The following PRIM2 variants were observed in gnomAD, a reference collection of about 807,000 sequenced individuals.
PRIM2 encodes the protein DNA primase subunit 2.
In PRIM2, 39 loss-of-function variants were observed where a neutral mutation model predicts 67.3. That is an observed-to-expected ratio of 0.58 (90% confidence interval 0.45 to 0.76). The LOEUF (loss-of-function observed/expected upper bound fraction) is 0.76, where lower values mean the gene tolerates loss of function less well. PRIM2 is among the 30% of genes least tolerant of loss of function. The probability of loss-of-function intolerance (pLI) is 0.00; values close to 1 mark genes in which losing one functional copy is unlikely to be tolerated. For synonymous variants in PRIM2, 143 were observed against 198.7 expected (o/e 0.72, Z 2.36); for missense variants, 398 against 598.7 (o/e 0.66, Z 3.50).
rs1237645544 is a variant in PRIM2, at chr6:57,478,884, C to T, written c.694-28503C>T. On this transcript the variant is annotated intron_variant, in intron 7 of 13. Transcript: ENST00000615550. ...ACATTCGGCTGGGCGCGGTGGCTCA[C>T]GCCTGTAATCCCAGCACTTTAGGAG... Among the ~76,000 whole-genome samples the T allele has an allele frequency of 1.3e-3, 202 of 152,346 alleles. 5 individuals carry two copies. In the East Asian group the frequency reaches 0.016, roughly 12 times the overall value.
chr6:57,340,475 G>A (rs1431719813), intron 5 of PRIM2, among the ~76,000 whole-genome samples: 2 of 152,164 alleles, frequency 1.3e-5, no homozygotes, highest in African/African-American at 4.8e-5. Flanking sequence ...AACAATGATA[G>A]ACTGGATTAA....
chr6:57,315,102 C>T (rs1767455221), upstream of PRIM2, among the ~76,000 whole-genome samples: 1 of 152,136 alleles, frequency 6.6e-6, no homozygotes, highest in African/African-American at 2.4e-5. Context: ...TTTCTCTGAG[C>T]TGGTCATGAA....
chr6:57,373,858 A>G (rs951674393), intron 5 of PRIM2, among the ~76,000 whole-genome samples: 1 of 152,054 alleles, frequency 6.6e-6, no homozygotes, highest in Non-Finnish European at 1.5e-5. Context: ...GCCCTGTAGT[A>G]TAGTTTGAAA....
intron 10 of PRIM2, among the ~76,000 whole-genome samples, chr6:57,550,793 C>T (rs1319088056): frequency 6.6e-6 from 1 of 152,118 alleles, no homozygotes; most frequent in African/African-American, 2.4e-5. Context: ...TATGTATCTT[C>T]TTAAAAAGAT....
intron 10 of PRIM2, among the ~76,000 whole-genome samples, chr6:57,550,806 C>T (rs1480999466): frequency 6.6e-6 from 1 of 151,948 alleles, no homozygotes; most frequent in Admixed American, 6.6e-5. Flanking sequence ...AAAAAGATGC[C>T]AGTTTAAGAT....
chr6:57,361,944 G>A (rs1371012808), intron 5 of PRIM2, among the ~76,000 whole-genome samples: 2 of 152,104 alleles, frequency 1.3e-5, no homozygotes, highest in Admixed American at 1.3e-4. Flanking sequence ...AATGTAGGAA[G>A]GCGTCATTGA....
chr6:57,441,778 A>C (rs978434089), intron 7 of PRIM2, among the ~76,000 whole-genome samples: 1 of 152,208 alleles, frequency 6.6e-6, no homozygotes, highest in Non-Finnish European at 1.5e-5. Flanking sequence ...TCCACCAGAC[A>C]GAAATTATTT....
At chr6:57,580,743 T>C (rs1162620182) in intron 10 of PRIM2, among the ~76,000 whole-genome samples, 10 of 152,186 alleles carry the variant, frequency 6.6e-5, no homozygotes, top group Non-Finnish European at 7.4e-5. Flanking sequence ...GAGGGGATAA[T>C]GAGAGTGATT....
intron 10 of PRIM2, among the ~76,000 whole-genome samples, chr6:57,579,461 T>A (rs1396304647): frequency 6.6e-6 from 1 of 152,200 alleles, no homozygotes; most frequent in Non-Finnish European, 1.5e-5. Context: ...TTTGGTTGTC[T>A]GTTATGTAGT....
At chr6:57,472,216 G>A in intron 7 of PRIM2, among the ~76,000 whole-genome samples, 1 of 151,982 alleles carries the variant, frequency 6.6e-6, no homozygotes. Flanking sequence ...GATCACCTGA[G>A]GTCAGGAGTT....
At chr6:57,602,670 T>C (rs1268553954) in intron 11 of PRIM2, among the ~76,000 whole-genome samples, 6 of 152,232 alleles carry the variant, frequency 3.9e-5, no homozygotes, top group African/African-American at 1.4e-4. Flanking sequence ...TAGTTGGTTT[T>C]CATTAGCTTA....
At chr6:57,352,706 G>A (rs1251011232) in intron 5 of PRIM2, among the ~76,000 whole-genome samples, 2 of 148,792 alleles carry the variant, frequency 1.3e-5, no homozygotes, top group African/African-American at 4.9e-5. Context: ...AAGGAACCCA[G>A]TTGTATCTGG....
chr6:57,600,573 C>A (rs1398467642), intron 10 of PRIM2, among the ~76,000 whole-genome samples: 2 of 152,012 alleles, frequency 1.3e-5, no homozygotes, highest in East Asian at 1.9e-4. Flanking sequence ...CCAGGCTGGT[C>A]TTGAACTCCT....
chr6:57,511,237 T>C (rs1375585507), intron 8 of PRIM2, among the ~76,000 whole-genome samples: 1 of 152,044 alleles, frequency 6.6e-6, no homozygotes. Context: ...AAGTGATGTG[T>C]CCAAACTGTT....
At chr6:57,348,823 C>T (rs1768764963) in intron 5 of PRIM2, among the ~76,000 whole-genome samples, 1 of 145,602 alleles carries the variant, frequency 6.9e-6, no homozygotes, top group Admixed American at 7.1e-5. Flanking sequence ...TCTCGGCTCA[C>T]TGCAACCTCT....
At chr6:57,511,223 G>A (rs1774359801) in intron 8 of PRIM2, among the ~76,000 whole-genome samples, 1 of 151,850 alleles carries the variant, frequency 6.6e-6, no homozygotes, top group Non-Finnish European at 1.5e-5. Flanking sequence ...TTTTGAGACT[G>A]CAGAAGTGAT....
rs1771329221 is a variant in PRIM2 at position 57,418,071 on chromosome 6, A to G, written c.693+35903A>G. ...TTGCTTTAACGCAGCTCTGAGGAAA[A>G]TTGTATTGTAAAATAAATGCTTTAA... is the stretch of plus-strand genomic sequence containing the variant. On this transcript the variant is annotated intron_variant, in intron 7 of 13. Coordinates refer to ENST00000615550, the MANE Select transcript of PRIM2 (RefSeq NM_000947.5). Among the ~76,000 whole-genome samples the G allele has an allele frequency of 2.0e-5, 3 of 152,302 alleles. No homozygotes were observed. In the South Asian group the frequency reaches 6.2e-4, roughly 32 times the overall value.
intron 10 of PRIM2, among the ~76,000 whole-genome samples, chr6:57,558,420 G>A (rs1183907050): frequency 6.6e-6 from 1 of 152,104 alleles, no homozygotes; most frequent in Admixed American, 6.5e-5. Flanking sequence ...ACAGAATTGG[G>A]ATGCATGAAT....
chr6:57,430,537 T>G (rs1450362137), intron 7 of PRIM2, among the ~76,000 whole-genome samples: 6 of 138,332 alleles, frequency 4.3e-5, no homozygotes, highest in Non-Finnish European at 7.7e-5. Context: ...CACTGCAACC[T>G]CTACCTCCCA....
Sources: gnomAD v4.1 joint callset for allele counts (sites outside exome capture counted in the v4.1 genomes callset) on GRCh38, gnomAD v4.1.1 for gene constraint, MANE v1.5 for transcripts, NCBI Gene and HGNC (gene_info 2026-07-23, HGNC 2026-07-21) for gene names.